Variants in COL23A1 observed in about 807,000 individuals in gnomAD.
COL23A1 encodes the protein collagen type XXIII alpha 1 chain, also known as collagen alpha-1(XXIII) chain.
COL23A1 carries 97 observed loss-of-function variants against 99.3 expected under a neutral mutation model. That is an observed-to-expected ratio of 0.98 (90% confidence interval 0.83 to 1.16). COL23A1 has a LOEUF of 1.16. COL23A1 is among the 50% of genes most tolerant of loss of function. The probability of loss-of-function intolerance (pLI) is 0.00; values close to 1 mark genes in which losing one functional copy is unlikely to be tolerated. For synonymous variants in COL23A1, 320 were observed against 308.2 expected, an observed-to-expected ratio of 1.04 and a Z score of -0.40; for missense variants, 762 against 757.4, an observed-to-expected ratio of 1.01 and a Z score of -0.07.
chr5:178,406,579 G>A lies in COL23A1; in HGVS notation c.362-99660C>T, dbSNP rs140279205. Among the ~76,000 whole-genome samples the A allele has an allele frequency of 7.8e-3, 1,183 of 152,124 alleles. 11 individuals carry two copies. The highest frequency in any genetic ancestry group is 0.027 in the African/African-American group (1,108 of 41,498). On this transcript the variant is annotated intron_variant, in intron 2 of 28. Transcript: ENST00000390654. ...CGAGTAGCTGGGATTACAGGCACGC[G>A]CCACCATGCCTGACTAATTTTTGTA...
At chr5:178,581,236 A>T (rs1233804978) in intron 1 of COL23A1, among the ~76,000 whole-genome samples, 2 of 152,210 alleles carry the variant, frequency 1.3e-5, no homozygotes, top group Non-Finnish European at 2.9e-5. Context: ...ATACCACAGG[A>T]GGAGAAACCT....
At chr5:178,334,768 T>A (rs1487821369) in intron 2 of COL23A1, among the ~76,000 whole-genome samples, 1 of 152,174 alleles carries the variant, frequency 6.6e-6, no homozygotes, top group African/African-American at 2.4e-5. Flanking sequence ...TATTTTCACA[T>A]ATGTTGTCTC....
rs113728609 is a variant in COL23A1 at position 178,554,208 on chromosome 5, T to C, written c.361+6474A>G. Among the ~76,000 whole-genome samples the C allele has an allele frequency of 2.2e-3, 340 of 151,926 alleles. 3 individuals are homozygous for C. The highest frequency in any genetic ancestry group is 7.5e-3 in the African/African-American group (311 of 41,422). The stretch of plus-strand genomic sequence containing the variant: ...TTTTTTTTTTCTTTGAGATGGAGTC[T>C]CGCTCTGTCACCCAGGCTGGGGTGC... On this transcript the variant is annotated intron_variant, in intron 2 of 28. Coordinates refer to ENST00000390654, the MANE Select transcript of COL23A1 (RefSeq NM_173465.4).
chr5:178,482,622 G>C (rs1241416392), intron 2 of COL23A1, among the ~76,000 whole-genome samples: 2 of 152,234 alleles, frequency 1.3e-5, no homozygotes, highest in East Asian at 3.8e-4. Flanking sequence ...GGCCGGGCGT[G>C]GTGGCCCACA....
At chr5:178,457,965 G>A (rs553488237) in intron 2 of COL23A1, among the ~76,000 whole-genome samples, 1 of 152,298 alleles carries the variant, frequency 6.6e-6, no homozygotes, top group South Asian at 2.1e-4. Context: ...GGTATCCACA[G>A]CACCCATATT....
intron 2 of COL23A1, among the ~76,000 whole-genome samples, chr5:178,501,574 CA>C (rs11343683): frequency 0.016 from 1,584 of 99,826 alleles, 12 homozygotes; most frequent in Middle Eastern, 0.077. Flanking sequence ...GGCTCTGTCT[CA>C]AAAAAAAAAA....
At chr5:178,288,249 A>T in intron 5 of COL23A1, 75 bp downstream of exon 5, 1 of 1,261,028 alleles carries the variant, frequency 7.9e-7, no homozygotes, top group Non-Finnish European at 1.2e-6. Flanking sequence ...AGACAGAGTT[A>T]AATCAAGGCT....
intron 2 of COL23A1, among the ~76,000 whole-genome samples, chr5:178,521,979 C>T (rs1347000862): frequency 3.3e-5 from 5 of 152,062 alleles, no homozygotes; most frequent in African/African-American, 4.8e-5. Flanking sequence ...CAAATTGTAC[C>T]CTTCAAATGG....
intron 2 of COL23A1, among the ~76,000 whole-genome samples, chr5:178,414,263 T>C (rs1765188342): frequency 6.6e-6 from 1 of 152,208 alleles, no homozygotes; most frequent in African/African-American, 2.4e-5. Context: ...TAAATGAGTA[T>C]CTACCACCTG....
At chr5:178,567,138 C>T (rs1030125838) in intron 1 of COL23A1, among the ~76,000 whole-genome samples, 3 of 152,168 alleles carry the variant, frequency 2.0e-5, no homozygotes, top group Non-Finnish European at 4.4e-5. Context: ...TAGATACATA[C>T]AGAAATCATC....
At chr5:178,318,721 C>T (rs1295922558) in intron 2 of COL23A1, among the ~76,000 whole-genome samples, 3 of 152,070 alleles carry the variant, frequency 2.0e-5, no homozygotes, top group Non-Finnish European at 2.9e-5. Flanking sequence ...GCCCAAATGG[C>T]GAAACCCCAT....
chr5:178,327,841 C>T (rs907133509), intron 2 of COL23A1, among the ~76,000 whole-genome samples: 1 of 152,188 alleles, frequency 6.6e-6, no homozygotes, highest in African/African-American at 2.4e-5. Flanking sequence ...CCCTGCGCCC[C>T]ACACAGCTCA....
chr5:178,535,609 G>A (rs1025792051), intron 2 of COL23A1, among the ~76,000 whole-genome samples: 2 of 152,296 alleles, frequency 1.3e-5, no homozygotes, highest in Admixed American at 1.3e-4. Flanking sequence ...CTGGGCTACA[G>A]AAACACAAGG....
In COL23A1 at chr5:178,248,025, G is replaced by C. The variant is rs558277055; in HGVS notation, c.1212+167C>G. Reference sequence around the variant, plus strand: ...TGTGCCACTGCACTCCAGCCTGGGAGACATGGTGAGACTCTGTTCTCAGAG... The same window carrying C: ...TGTGCCACTGCACTCCAGCCTGGGACACATGGTGAGACTCTGTTCTCAGAG... On this transcript the variant is annotated intron_variant, in intron 20 of 28. Coordinates refer to ENST00000390654, the MANE Select transcript of COL23A1 (RefSeq NM_173465.4). Among the ~76,000 whole-genome samples, 3 of 152,334 alleles carry C rather than the reference G, an allele frequency of 2.0e-5. No homozygotes were observed. In the East Asian group the frequency reaches 5.8e-4, roughly 29 times the overall value.
intron 2 of COL23A1, among the ~76,000 whole-genome samples, chr5:178,522,430 G>A (rs1312713718): frequency 6.6e-6 from 1 of 152,132 alleles, no homozygotes; most frequent in Admixed American, 6.5e-5. Flanking sequence ...CCACACCCTA[G>A]GACCGGGGAA....
At chr5:178,474,845 T>G (rs1294791236) in intron 2 of COL23A1, among the ~76,000 whole-genome samples, 1 of 152,216 alleles carries the variant, frequency 6.6e-6, no homozygotes, top group East Asian at 1.9e-4. Flanking sequence ...ACTGTATTAG[T>G]TTTCTGGCTT....
intron 2 of COL23A1, among the ~76,000 whole-genome samples, chr5:178,342,980 A>G (rs1760753156): frequency 6.6e-6 from 1 of 152,190 alleles, no homozygotes; most frequent in Admixed American, 6.5e-5. Context: ...AACCACATGG[A>G]CTGTAAGGCC....
At chr5:178,587,908 C>CA (rs930842708) in intron 1 of COL23A1, among the ~76,000 whole-genome samples, 5 of 152,166 alleles carry the variant, frequency 3.3e-5, no homozygotes, top group African/African-American at 1.2e-4. Flanking sequence ...AGGGGCCACC[C>CA]AAACAACCAG....
At position 178,443,924 on chromosome 5, in the gene COL23A1, G is replaced by A. The variant is rs1767021231; in HGVS notation, c.361+116758C>T. Among the ~76,000 whole-genome samples, 3 of 152,180 alleles carry A rather than the reference G, an allele frequency of 2.0e-5. No homozygotes were observed. The South Asian group carries it at 6.2e-4, about 32-fold the overall frequency. On this transcript the variant is annotated intron_variant, in intron 2 of 28. Coordinates refer to ENST00000390654, the MANE Select transcript of COL23A1 (RefSeq NM_173465.4). ...TGTTAAGATATAAAGAAAATGGGCTGGGCACAGAGGCTCACGCCTGTAATC... is the reference window on the plus strand; with the variant it reads ...TGTTAAGATATAAAGAAAATGGGCTAGGCACAGAGGCTCACGCCTGTAATC...
Sources: allele counts gnomAD v4.1 joint callset (sites outside exome capture counted in the v4.1 genomes callset), GRCh38; gene constraint gnomAD v4.1.1; transcripts MANE v1.5; gene names NCBI Gene and HGNC (gene_info 2026-07-23, HGNC 2026-07-21).